The following LYPLAL1 variants were observed in gnomAD, a reference collection of about 807,000 sequenced individuals.
LYPLAL1 encodes the protein lysophospholipase-like protein 1.
In LYPLAL1, 23 loss-of-function variants were observed where a neutral mutation model predicts 19.7. The ratio of observed to expected loss-of-function variants is 1.17; its 90% confidence interval spans 0.84 to 1.65. The LOEUF is 1.65. Among genes scored for constraint, LYPLAL1 ranks in the 40% most tolerant of loss-of-function variants. The pLI, the probability that LYPLAL1 is intolerant of heterozygous loss-of-function variation, is 0.00. For missense variants in LYPLAL1, 355 were observed against 279.4 expected (o/e 1.27, Z -1.93); for synonymous variants, 119 against 96.3 (o/e 1.24, Z -1.38).
intron 4 of LYPLAL1, among the ~76,000 whole-genome samples, 160 bp from the exon 5 acceptor site, chr1:219,211,331 GC>G (rs2125119853): frequency 6.6e-6 from 1 of 152,052 alleles, no homozygotes; most frequent in East Asian, 1.9e-4. Flanking sequence ...CCCAGGCCTG[GC>G]CCACCAATGT....
At chr1:219,231,203 G>T in the LYPLAL1 span, among the ~76,000 whole-genome samples, 1 of 152,188 alleles carries the variant, frequency 6.6e-6, no homozygotes, top group African/African-American at 2.4e-5. Context: ...CCGTGTGGGT[G>T]AATACCTTGC....
At chr1:219,291,791 CA>C in the LYPLAL1 span, among the ~76,000 whole-genome samples, 1 of 150,202 alleles carries the variant, frequency 6.7e-6, no homozygotes, top group South Asian at 2.1e-4. Context: ...TTCATATGTG[CA>C]AAAAAAAATG....
the LYPLAL1 span, among the ~76,000 whole-genome samples, chr1:219,445,358 G>C: frequency 2.5e-5 from 3 of 119,030 alleles, no homozygotes; most frequent in Admixed American, 1.2e-4. Flanking sequence ...AAAAAAACTA[G>C]ATTATTTTGT....
the LYPLAL1 span, chr1:219,225,611 C>T: frequency 6.6e-6 from 1 of 152,188 alleles, no homozygotes; most frequent in African/African-American, 2.4e-5. Flanking sequence ...GGATGGATCT[C>T]CCAGCCTCTG....
the LYPLAL1 span, among the ~76,000 whole-genome samples, chr1:219,369,267 A>T: frequency 6.6e-6 from 1 of 152,132 alleles, no homozygotes; most frequent in African/African-American, 2.4e-5. Context: ...AGTTGTGTAA[A>T]ATATTTTTTG....
At chr1:219,284,931 T>G in the LYPLAL1 span, among the ~76,000 whole-genome samples, 18 of 152,166 alleles carry the variant, frequency 1.2e-4, no homozygotes, top group African/African-American at 4.3e-4. Context: ...AATATGAATT[T>G]TAACCCAGGT....
chr1:219,339,828 C>T, the LYPLAL1 span, among the ~76,000 whole-genome samples: 1 of 151,984 alleles, frequency 6.6e-6, no homozygotes, highest in Non-Finnish European at 1.5e-5. Flanking sequence ...GAAAAAAACA[C>T]TTGGCTTTTC....
the LYPLAL1 span, among the ~76,000 whole-genome samples, chr1:219,274,191 G>T: frequency 4.7e-3 from 721 of 152,304 alleles, 5 homozygotes; most frequent in South Asian, 0.023. Flanking sequence ...GTGGGATAGT[G>T]GAGTCAATCG....
At chr1:219,380,413 C>A in the LYPLAL1 span, among the ~76,000 whole-genome samples, 5 of 152,330 alleles carry the variant, frequency 3.3e-5, no homozygotes, top group African/African-American at 9.6e-5. Flanking sequence ...CAAACATGCT[C>A]ATTGGAAGAG....
the LYPLAL1 span, among the ~76,000 whole-genome samples, chr1:219,257,353 G>GTTTTTTTT: frequency 1.5e-5 from 2 of 132,578 alleles, no homozygotes; most frequent in African/African-American, 2.9e-5. Context: ...ATCCATACCA[G>GTTTTTTTT]TTTTTGTTTT....
chr1:219,433,463 G>C, the LYPLAL1 span, among the ~76,000 whole-genome samples: 1 of 152,146 alleles, frequency 6.6e-6, no homozygotes, highest in African/African-American at 2.4e-5. Flanking sequence ...TTACACGTTG[G>C]CATATTTAAC....
chr1:219,419,564 C>T, the LYPLAL1 span, among the ~76,000 whole-genome samples: 73 of 95,644 alleles, frequency 7.6e-4, no homozygotes, highest in Admixed American at 2.1e-3. Flanking sequence ...CACACACACA[C>T]ACACACACAC....
At chr1:219,274,893 A>T in the LYPLAL1 span, among the ~76,000 whole-genome samples, 1 of 152,136 alleles carries the variant, frequency 6.6e-6, no homozygotes, top group African/African-American at 2.4e-5. Context: ...TGATTTTACT[A>T]CTAATTATTA....
the LYPLAL1 span, among the ~76,000 whole-genome samples, chr1:219,237,808 T>C: frequency 2.0e-5 from 3 of 152,312 alleles, no homozygotes; most frequent in South Asian, 6.2e-4. Flanking sequence ...TTTATTAATA[T>C]TCTCTTCACC....
chr1:219,343,310 A>C, the LYPLAL1 span, among the ~76,000 whole-genome samples: 350 of 152,328 alleles, frequency 2.3e-3, no homozygotes, highest in African/African-American at 7.5e-3. Context: ...GAAACATGTC[A>C]AAGAAAGTCA....
the LYPLAL1 span, among the ~76,000 whole-genome samples, chr1:219,306,824 A>ATAGC: frequency 9.9e-6 from 1 of 101,002 alleles, no homozygotes; most frequent in Non-Finnish European, 1.9e-5. Context: ...AGATAGATAG[A>ATAGC]TAGATAGATA....
chr1:219,306,741 C>CATAGATAGATAGATAG, the LYPLAL1 span, among the ~76,000 whole-genome samples: 1,249 of 128,114 alleles, frequency 9.7e-3, 11 homozygotes, highest in Middle Eastern at 0.019. Flanking sequence ...CAGACAGATG[C>CATAGATAGATAGATAG]ATAGATAGAT....
the LYPLAL1 span, among the ~76,000 whole-genome samples, chr1:219,396,019 C>T: frequency 4.0e-5 from 6 of 150,670 alleles, no homozygotes; most frequent in African/African-American, 4.9e-5. Context: ...AGAAGAATGG[C>T]GTGAACCTGG....
the LYPLAL1 span, among the ~76,000 whole-genome samples, chr1:219,243,038 GAAGGGA>G: frequency 6.6e-6 from 1 of 152,114 alleles, no homozygotes; most frequent in Non-Finnish European, 1.5e-5. Flanking sequence ...AGAATGGCTG[GAAGGGA>G]GTGCCAGCCT....
Sources: gnomAD v4.1 joint callset for allele counts (sites outside exome capture counted in the v4.1 genomes callset) on GRCh38, gnomAD v4.1.1 for gene constraint, MANE v1.5 for transcripts, NCBI Gene and HGNC (gene_info 2026-07-23, HGNC 2026-07-21) for gene names.